NLRP9: variants seen among roughly 807,000 people sequenced by gnomAD.
The protein encoded by NLRP9 is NLR family pyrin domain containing 9.
In NLRP9, 88 loss-of-function variants were observed where a neutral mutation model predicts 83.1. The ratio of observed to expected loss-of-function variants is 1.06; its 90% CI spans 0.89 to 1.26. NLRP9 has a LOEUF of 1.26. NLRP9 is among the 50% of genes most tolerant of loss of function. NLRP9 has a pLI of 0.00. For synonymous variants in NLRP9, 521 were observed against 447.6 expected, an observed-to-expected ratio of 1.16 and a Z score of -2.07; for missense variants, 1,308 against 1,179.3, an observed-to-expected ratio of 1.11 and a Z score of -1.60.
At chr19:55,709,825 G>C (rs999723343) in intron 8 of NLRP9, 1 of 152,044 alleles carries the variant, frequency 6.6e-6, no homozygotes, top group Non-Finnish European at 1.5e-5. Context: ...AATGTTCTCA[G>C]CATCAGGAAA....
chr19:55,726,810 G>A lies in NLRP9; in HGVS notation c.1995-2666C>T, dbSNP rs139889010. Among the ~76,000 whole-genome samples the A allele has an allele frequency of 3.4e-3, 514 of 152,186 alleles. 5 individuals are homozygous for A. The highest frequency in any genetic ancestry group is 0.012 in the African/African-American group (504 of 41,524). ...GAGCTCTGGCTTCTGATTCTCCATCGTCTCAGCAATTGCATTTATCATTCA... is the reference window on the plus strand; with the variant it reads ...GAGCTCTGGCTTCTGATTCTCCATCATCTCAGCAATTGCATTTATCATTCA... On this transcript the variant is annotated intron_variant, in intron 3 of 8. Coordinates refer to ENST00000332836, the MANE Select transcript of NLRP9 (RefSeq NM_176820.4).
rs148801578 is a variant in NLRP9 at position 55,725,805 on chromosome 19, T to C, written c.1995-1661A>G. On this transcript the variant is annotated intron_variant, in intron 3 of 8. Coordinates refer to ENST00000332836, the MANE Select transcript of NLRP9 (RefSeq NM_176820.4). ...ACTTTGGGAGGCTGAGGTGGGTGGA[T>C]TGCTTGAGCTCAGGAGTTCAAGACC... Among the ~76,000 whole-genome samples the C allele has an allele frequency of 9.4e-3, 1,431 of 152,098 alleles. 46 individuals carry two copies. The East Asian group carries it at 0.14, about 15-fold the overall frequency.
Position 55,709,050 on chromosome 19 carries a change from A to G in NLRP9, c.2844-6T>C. ...CAAAGCCAGATTTGTGCAGCCTGGG[A>G]AAATAGAAATAAAGTTTTTTTTTTT... is the stretch of plus-strand genomic sequence containing the variant. On this transcript the variant is annotated splice_region_variant and splice_polypyrimidine_tract_variant and intron_variant, in intron 8 of 8. Coordinates refer to ENST00000332836, the MANE Select transcript of NLRP9 (RefSeq NM_176820.4). The G allele has an allele frequency of 1.9e-6, 3 of 1,556,492 alleles. No homozygotes were observed. The highest frequency in any genetic ancestry group is 2.3e-5 in the Admixed American group (1 of 43,582).
chr19:55,714,429 C>CA (rs1022298557), intron 6 of NLRP9, among the ~76,000 whole-genome samples: 1 of 152,110 alleles, frequency 6.6e-6, no homozygotes, highest in African/African-American at 2.4e-5. Context: ...AGAGGTGAGT[C>CA]ACCTGCACAA....
At chr19:55,711,599 T>G in intron 8 of NLRP9, 1 of 890,820 alleles carries the variant, frequency 1.1e-6, no homozygotes, top group Non-Finnish European at 1.8e-6. Flanking sequence ...TGGCAACTCA[T>G]GAGAAAGGCC....
At position 55,725,586 on chromosome 19, in the gene NLRP9, A is replaced by C. The variant is rs188022682; in HGVS notation, c.1995-1442T>G. ...CGGACTGCGGGCGGAGTGATCCCCT[A>C]AATGTCTGAGTGACACCCAGGTACC... On this transcript the variant is annotated intron_variant, in intron 3 of 8. Coordinates refer to ENST00000332836, the MANE Select transcript of NLRP9 (RefSeq NM_176820.4). Among the ~76,000 whole-genome samples, 19 of 152,254 alleles carry C rather than the reference A, an allele frequency of 1.2e-4. 1 individual carries two copies. Among genetic ancestry groups the C allele is most frequent in the Non-Finnish European group, 2.8e-4 (19 of 68,014 alleles).
chr19:55,725,752 C>T (rs887200262), intron 3 of NLRP9, among the ~76,000 whole-genome samples: 1 of 152,078 alleles, frequency 6.6e-6, no homozygotes, highest in East Asian at 1.9e-4. Flanking sequence ...CCAGGCCGGG[C>T]GCGGTGGCTC....
intron 6 of NLRP9, among the ~76,000 whole-genome samples, chr19:55,714,778 A>C (rs1987941493): frequency 6.6e-6 from 1 of 152,102 alleles, no homozygotes; most frequent in African/African-American, 2.4e-5. Context: ...CTGCTTTGGA[A>C]GTGGCATTTT....
intron 4 of NLRP9, among the ~76,000 whole-genome samples, chr19:55,717,486 T>G (rs936204915): frequency 1.3e-5 from 2 of 152,178 alleles, no homozygotes; most frequent in African/African-American, 2.4e-5. Flanking sequence ...TGTCTGCATA[T>G]ATTATTGGCT....
At chr19:55,724,962 G>C (rs962768404) in intron 3 of NLRP9, among the ~76,000 whole-genome samples, 1 of 152,126 alleles carries the variant, frequency 6.6e-6, no homozygotes, top group Non-Finnish European at 1.5e-5. Flanking sequence ...AAGAGGCTGA[G>C]GTAGGAAAAT....
Position 55,715,040 on chromosome 19 carries a change from C to G in NLRP9, c.2501+15G>C. On this transcript the variant is annotated intron_variant, in intron 6 of 8. Coordinates refer to ENST00000332836, the MANE Select transcript of NLRP9 (RefSeq NM_176820.4). ...AAGAAACCCTGACATTGAAGCAAAT[C>G]ATGGCCGGTCCTACCACAGCTCCCG... is the stretch of plus-strand genomic sequence containing the variant. The G allele has an allele frequency of 6.3e-7, 1 of 1,589,884 alleles. No homozygotes were observed. The highest frequency in any genetic ancestry group is 8.6e-7 in the Non-Finnish European group (1 of 1,169,576).
At chr19:55,715,307 T>C in intron 5 of NLRP9, 82 bp from the exon 6 acceptor site, 2 of 1,201,888 alleles carry the variant, frequency 1.7e-6, no homozygotes, top group East Asian at 2.5e-5. Flanking sequence ...CCCAGCCCAC[T>C]GAAGCTTCCT....
At chr19:55,714,168 T>A (rs555118754) in intron 6 of NLRP9, among the ~76,000 whole-genome samples, 3 of 151,926 alleles carry the variant, frequency 2.0e-5, no homozygotes, top group Non-Finnish European at 4.4e-5. Context: ...GCAGAGGGAA[T>A]GAATGAGTCT....
intron 1 of NLRP9, among the ~76,000 whole-genome samples, chr19:55,733,983 C>T (rs961762455): frequency 4.4e-5 from 6 of 136,370 alleles, no homozygotes; most frequent in East Asian, 2.2e-4. Context: ...AGTGCAGTGG[C>T]GGGATCTCGG....
At chr19:55,724,806 C>T (rs1031101991) in intron 3 of NLRP9, among the ~76,000 whole-genome samples, 4 of 152,086 alleles carry the variant, frequency 2.6e-5, no homozygotes, top group African/African-American at 9.7e-5. Context: ...GTGACTCACA[C>T]CTGTAATTTG....
intron 7 of NLRP9, 132 bp downstream of exon 7, chr19:55,712,288 C>T: frequency 1.3e-6 from 1 of 769,748 alleles, no homozygotes; most frequent in East Asian, 2.6e-5. Context: ...CCTGGGGCAG[C>T]ATTTTACATA....
intron 1 of NLRP9, among the ~76,000 whole-genome samples, chr19:55,733,919 A>ATTTTTTTTTTTTTTTTTTTTTTT (rs765779528): frequency 5.1e-5 from 6 of 117,868 alleles, no homozygotes; most frequent in South Asian, 2.6e-4. Flanking sequence ...TGTCAACCAA[A>ATTTTTTTTTTTTTTTTTTTTTTT]TTTTTTTTTT....
intron 8 of NLRP9, among the ~76,000 whole-genome samples, chr19:55,710,308 C>T (rs935002889): frequency 1.3e-5 from 2 of 152,048 alleles, no homozygotes; most frequent in African/African-American, 4.8e-5. Flanking sequence ...TCATTTTTCC[C>T]TTTCTCTGCT....
In NLRP9 at chr19:55,732,527, T is replaced by C; in HGVS notation, c.1304A>G (p.Gln435Arg). The change falls in exon 2 of 9, where the codon CAA (glutamine) becomes CGA (arginine). Residue 435 changes from glutamine to arginine, a missense_variant. By Grantham distance (43) the Gln-to-Arg change is conservative (BLOSUM62 1). Coordinates refer to ENST00000332836, the MANE Select transcript of NLRP9 (RefSeq NM_176820.4). ...GAAGGCAAAACAGTCCCCTCTCCTT[T>C]GGAGGAGTCTCATACCCACCCACAT... ...GVMWVGMRLL[Q>R]RRGDCFAFMH... is the part of the protein sequence containing the mutation. 6.2e-7 allele frequency: 1 copy of C among 1,614,222 alleles called. No individual in the cohort carries two copies. The highest frequency in any genetic ancestry group is 8.5e-7 in the Non-Finnish European group (1 of 1,180,040).
Sources: allele counts gnomAD v4.1 joint callset (sites outside exome capture counted in the v4.1 genomes callset), GRCh38; gene constraint gnomAD v4.1.1; transcripts MANE v1.5; gene names NCBI Gene and HGNC (gene_info 2026-07-23, HGNC 2026-07-21).